The following THAP4 variants were observed in gnomAD, a reference collection of about 807,000 sequenced individuals.
THAP4 encodes the protein THAP domain containing 4.
A neutral mutation model predicts 48.1 loss-of-function variants in THAP4; 18 were observed. The observed-to-expected ratio is 0.37, with a 90% confidence interval of 0.26 to 0.56. THAP4 has a LOEUF of 0.56. Among genes scored for constraint, THAP4 ranks in the 20% least tolerant of loss-of-function variants. The pLI is 0.78. For missense variants in THAP4, 656 were observed against 774.9 expected (o/e 0.85, Z 1.82); for synonymous variants, 345 against 324.9 (o/e 1.06, Z -0.66).
At chr2:241,605,012 C>T (rs1222992747) in intron 3 of THAP4, among the ~76,000 whole-genome samples, 1 of 152,156 alleles carries the variant, frequency 6.6e-6, no homozygotes, top group Non-Finnish European at 1.5e-5. Flanking sequence ...ATATTTTCCA[C>T]TCTGGTTCAT....
At chr2:241,627,576 G>T (rs548921177) in intron 2 of THAP4, among the ~76,000 whole-genome samples, 9 of 152,272 alleles carry the variant, frequency 5.9e-5, no homozygotes, top group Admixed American at 2.6e-4. Context: ...TTCAGTTTGG[G>T]GAACCTGCCC....
intron 1 of THAP4, among the ~76,000 whole-genome samples, chr2:241,634,624 T>A (rs1206595009): frequency 6.6e-6 from 1 of 152,256 alleles, no homozygotes; most frequent in African/African-American, 2.4e-5. Flanking sequence ...TCCTGTTGCA[T>A]GCCCACCTCC....
At position 241,612,674 on chromosome 2, in the gene THAP4, A is replaced by G. The variant is rs948394852; in HGVS notation, c.1241-6201T>C. Reference sequence around the variant, plus strand: ...AAAGCAATCAGGCTCAAAAGAGCACATATTCTGCAATTCCATTTCTGTGAA... The same window carrying G: ...AAAGCAATCAGGCTCAAAAGAGCACGTATTCTGCAATTCCATTTCTGTGAA... On this transcript the variant is annotated intron_variant, in intron 2 of 5. Coordinates refer to ENST00000407315, the MANE Select transcript of THAP4 (RefSeq NM_015963.6). The surrounding 1 kb of genome is among the most constrained non-coding windows in gnomAD (Gnocchi z 4.1). Among the ~76,000 whole-genome samples, 8 of 152,262 alleles carry G rather than the reference A, an allele frequency of 5.3e-5. No individual in the cohort carries two copies. Among genetic ancestry groups the G allele is most frequent in the Non-Finnish European group, 5.9e-5 (4 of 68,044 alleles).
chr2:241,632,723 G>A (rs2067581593), intron 2 of THAP4, among the ~76,000 whole-genome samples, 194 bp downstream of exon 2: 1 of 152,198 alleles, frequency 6.6e-6, no homozygotes, highest in Non-Finnish European at 1.5e-5. Context: ...CCTCTTGTGG[G>A]ACCAGGTGCA....
At chr2:241,596,524 A>AC (rs1257126455) in intron 5 of THAP4, among the ~76,000 whole-genome samples, 1 of 10,748 alleles carries the variant, frequency 9.3e-5, no homozygotes, top group Non-Finnish European at 1.5e-4. Context: ...AAAAAAAAAA[A>AC]GGCCGGGCGC....
At chr2:241,607,744 C>G (rs2067201938) in intron 2 of THAP4, among the ~76,000 whole-genome samples, 1 of 132,972 alleles carries the variant, frequency 7.5e-6, no homozygotes, top group African/African-American at 2.9e-5. Flanking sequence ...CCCAGTGTCT[C>G]CTCCAGGCCC....
At chr2:241,602,878 A>T in intron 4 of THAP4, 92 bp downstream of exon 4, 1 of 971,460 alleles carries the variant, frequency 1.0e-6, no homozygotes, top group South Asian at 1.3e-5. Context: ...ATGCCTCAGC[A>T]GGGTTGCACA....
chr2:241,591,833 C>T (rs374516385), intron 5 of THAP4: 2 of 152,300 alleles, frequency 1.3e-5, no homozygotes, highest in East Asian at 1.9e-4. Context: ...TTAACTAAGA[C>T]ATTAAAAACA....
chr2:241,599,814 G>C (rs2067091008), intron 5 of THAP4, among the ~76,000 whole-genome samples: 1 of 152,134 alleles, frequency 6.6e-6, no homozygotes, highest in Non-Finnish European at 1.5e-5. Context: ...AGAAAATTTG[G>C]AGAAAAAATG....
chr2:241,634,224 T>G, intron 1 of THAP4, 145 bp from the exon 2 acceptor site: 1 of 606,686 alleles, frequency 1.6e-6, no homozygotes, highest in Non-Finnish European at 2.8e-6. Flanking sequence ...CAAAAAGATT[T>G]AAAGAACATC....
At chr2:241,622,345 C>CGACA (rs1559231828) in intron 2 of THAP4, among the ~76,000 whole-genome samples, 1 of 151,976 alleles carries the variant, frequency 6.6e-6, no homozygotes, top group Non-Finnish European at 1.5e-5. Context: ...CCCAGCCTGG[C>CGACA]GACAGAGCAA....
intron 5 of THAP4, among the ~76,000 whole-genome samples, chr2:241,593,132 C>T (rs546608750): frequency 6.6e-6 from 1 of 152,136 alleles, no homozygotes; most frequent in Admixed American, 6.5e-5. Flanking sequence ...GTAGTCTCAG[C>T]TACTTGGGAG....
intron 5 of THAP4, among the ~76,000 whole-genome samples, chr2:241,595,934 C>T (rs1245636796): frequency 3.3e-5 from 5 of 152,188 alleles, no homozygotes; most frequent in Admixed American, 2.0e-4. Flanking sequence ...TCACTCCTGT[C>T]GCTACAATGC....
intron 2 of THAP4, among the ~76,000 whole-genome samples, chr2:241,614,069 A>G (rs1466324320): frequency 2.6e-5 from 4 of 151,470 alleles, no homozygotes; most frequent in African/African-American, 4.9e-5. Flanking sequence ...GGGGAGAATC[A>G]CTTGCGCCCA....
At chr2:241,622,300 G>C (rs1336811810) in intron 2 of THAP4, among the ~76,000 whole-genome samples, 1 of 152,252 alleles carries the variant, frequency 6.6e-6, no homozygotes, top group Non-Finnish European at 1.5e-5. Flanking sequence ...GGGAGGTGGA[G>C]GTTGCAATGA....
At position 241,602,964 on chromosome 2, in the gene THAP4, C is replaced by T; in HGVS notation, c.1510+6G>A. ...CAGCCCTCCCGCCCCGCAAGCTGGG[C>T]CTCACCTGTGTTCTGGGCGCTGACA... On this transcript the variant is annotated splice_donor_region_variant and intron_variant, in intron 4 of 5. Transcript: ENST00000407315. The T allele has an allele frequency of 6.2e-7, 1 of 1,611,328 alleles. No individual in the cohort carries two copies. The highest frequency in any genetic ancestry group is 8.5e-7 in the Non-Finnish European group (1 of 1,177,698).
intron 2 of THAP4, among the ~76,000 whole-genome samples, chr2:241,626,631 T>G (rs1299662996): frequency 6.6e-6 from 1 of 151,674 alleles, no homozygotes; most frequent in Non-Finnish European, 1.5e-5. Context: ...TGGCGTGATC[T>G]CGACTCACTG....
rs1348628638 is a variant in THAP4, at chr2:241,606,373, G to A, written c.1341C>T (p.Pro447=). 2 of 1,588,718 alleles carry A rather than the reference G, an allele frequency of 1.3e-6. No individual in the cohort carries two copies. Among genetic ancestry groups the A allele is most frequent in the Non-Finnish European group, 1.7e-6 (2 of 1,167,584 alleles). The change falls in exon 3 of 6, where the codon CCC becomes CCT. Residue 447 remains proline, a synonymous_variant. Coordinates refer to ENST00000407315, the MANE Select transcript of THAP4 (RefSeq NM_015963.6). ...PGAGTYPTLQ[P]FQYLEEVHIS... ...TGTGAACCTCCTCCAGGTACTGGAAGGGCTGCAGTGTGGGGTAGGTCCCGG... is the reference window on the plus strand; with the variant it reads ...TGTGAACCTCCTCCAGGTACTGGAAAGGCTGCAGTGTGGGGTAGGTCCCGG...
chr2:241,627,978 C>T (rs748545212), intron 2 of THAP4, among the ~76,000 whole-genome samples: 39 of 152,250 alleles, frequency 2.6e-4, no homozygotes, highest in Middle Eastern at 6.8e-3. Flanking sequence ...TGTCTACTTG[C>T]CTCACTCCAC....
Sources: allele counts gnomAD v4.1 joint callset (sites outside exome capture counted in the v4.1 genomes callset), GRCh38; gene constraint gnomAD v4.1.1; non-coding constraint Gnocchi (gnomAD v3.1); transcripts MANE v1.5; gene names NCBI Gene and HGNC (gene_info 2026-07-23, HGNC 2026-07-21).